Variants in PLXDC2 observed in about 807,000 individuals in gnomAD.
PLXDC2 encodes plexin domain containing 2.
In PLXDC2, 40 loss-of-function variants were observed where a neutral mutation model predicts 68.9. That is an observed-to-expected ratio of 0.58 (90% CI 0.45 to 0.76). The LOEUF is 0.76. Among genes scored for constraint, PLXDC2 ranks in the 30% least tolerant of loss-of-function variants. The pLI is 0.00. For synonymous variants in PLXDC2, 243 were observed against 234.2 expected, an observed-to-expected ratio of 1.04 and a Z score of -0.34; for missense variants, 644 against 661.9, an observed-to-expected ratio of 0.97 and a Z score of 0.30.
At chr10:20,279,663 C>T (rs776441497) in intron 13 of PLXDC2, 40 bp from the exon 14 acceptor site, 9 of 1,531,272 alleles carry the variant, frequency 5.9e-6, no homozygotes, top group South Asian at 4.5e-5. Context: ...TAGAATCTTA[C>T]CCTGACGCAC....
intron 1 of PLXDC2, among the ~76,000 whole-genome samples, chr10:19,888,848 C>A (rs913455734): frequency 2.5e-4 from 38 of 152,036 alleles, no homozygotes; most frequent in Non-Finnish European, 8.8e-5. Flanking sequence ...GGAAATCAGG[C>A]AAGATGTATT....
intron 2 of PLXDC2, among the ~76,000 whole-genome samples, chr10:20,042,003 G>A (rs920342828): frequency 3.3e-5 from 5 of 152,112 alleles, no homozygotes; most frequent in Non-Finnish European, 7.4e-5. Context: ...CTGGGCATTG[G>A]GGCTTCCATT....
chr10:20,178,515 T>C (rs1834559195), intron 9 of PLXDC2, among the ~76,000 whole-genome samples: 1 of 152,072 alleles, frequency 6.6e-6, no homozygotes, highest in African/African-American at 2.4e-5. Flanking sequence ...CTATGAAAAA[T>C]GTTTCTTTCC....
intron 3 of PLXDC2, among the ~76,000 whole-genome samples, chr10:20,065,073 A>G (rs1440731081): frequency 6.6e-6 from 1 of 152,002 alleles, no homozygotes; most frequent in African/African-American, 2.4e-5. Context: ...TTCCAAATAA[A>G]CTGTCTGCCC....
At chr10:20,080,000 C>T (rs999444204) in intron 4 of PLXDC2, among the ~76,000 whole-genome samples, 1 of 151,896 alleles carries the variant, frequency 6.6e-6, no homozygotes, top group Non-Finnish European at 1.5e-5. Flanking sequence ...ATATTTAAAA[C>T]ACATATGACA....
intron 9 of PLXDC2, among the ~76,000 whole-genome samples, chr10:20,191,249 T>A (rs1341615761): frequency 6.6e-6 from 1 of 151,872 alleles, no homozygotes; most frequent in African/African-American, 2.4e-5. Context: ...AGAAAGCAAT[T>A]GGCAGATTCT....
intron 1 of PLXDC2, among the ~76,000 whole-genome samples, chr10:19,981,511 C>T (rs990326980): frequency 6.6e-6 from 1 of 152,172 alleles, no homozygotes; most frequent in African/African-American, 2.4e-5. Flanking sequence ...ATACCTGATG[C>T]AGCAGAATCT....
At chr10:19,901,916 A>G (rs190847166) in intron 1 of PLXDC2, among the ~76,000 whole-genome samples, 4 of 152,198 alleles carry the variant, frequency 2.6e-5, no homozygotes, top group Non-Finnish European at 4.4e-5. Flanking sequence ...TCCCAGCACC[A>G]TTTGTTGAAT....
intron 4 of PLXDC2, among the ~76,000 whole-genome samples, chr10:20,128,695 C>G (rs1383908919): frequency 1.3e-5 from 2 of 152,144 alleles, no homozygotes; most frequent in Non-Finnish European, 2.9e-5. Context: ...CACCATTCTA[C>G]TCTCTGATTC....
At chr10:20,075,685 A>G (rs540913445) in intron 4 of PLXDC2, among the ~76,000 whole-genome samples, 1 of 152,292 alleles carries the variant, frequency 6.6e-6, no homozygotes, top group East Asian at 1.9e-4. Flanking sequence ...TCAGCAAGAA[A>G]AATACAAGAG....
intron 9 of PLXDC2, among the ~76,000 whole-genome samples, chr10:20,200,739 A>G (rs931449639): frequency 2.0e-5 from 3 of 152,152 alleles, no homozygotes; most frequent in East Asian, 1.9e-4. Flanking sequence ...TTCTCAAAAG[A>G]TGATATACAA....
intron 2 of PLXDC2, among the ~76,000 whole-genome samples, chr10:20,004,608 C>T (rs770759411): frequency 2.0e-5 from 3 of 152,150 alleles, no homozygotes; most frequent in Admixed American, 6.5e-5. Flanking sequence ...AAAAAATCTG[C>T]ACCCCCTAAG....
intron 9 of PLXDC2, among the ~76,000 whole-genome samples, chr10:20,195,492 A>G (rs1834825604): frequency 6.6e-6 from 1 of 152,062 alleles, no homozygotes; most frequent in South Asian, 2.1e-4. Context: ...CCCTTCTTTG[A>G]GAGATGGGGG....
At chr10:20,230,848 G>T (rs1216838299) in intron 12 of PLXDC2, among the ~76,000 whole-genome samples, 7 of 141,676 alleles carry the variant, frequency 4.9e-5, no homozygotes, top group South Asian at 2.3e-4. Context: ...TCCCTGGAGG[G>T]TTTTTTTTTT....
intron 1 of PLXDC2, among the ~76,000 whole-genome samples, chr10:19,854,726 T>C (rs1273747743): frequency 6.6e-6 from 1 of 152,198 alleles, no homozygotes; most frequent in Non-Finnish European, 1.5e-5. Flanking sequence ...TGTCTTTGGG[T>C]AATTGGTGCC....
Position 19,819,124 on chromosome 10 carries a change from G to C in PLXDC2, c.112+1933G>C, listed in dbSNP as rs554528025. ...AATTGAGGATGAAATTCATCCCAAA[G>C]TAAGATTGGCCATATAATTAAAAGC... On this transcript the variant is annotated intron_variant, in intron 1 of 13. Coordinates refer to ENST00000377252, the MANE Select transcript of PLXDC2 (RefSeq NM_032812.9). Among the ~76,000 whole-genome samples, 7 of 151,884 alleles carry C rather than the reference G, an allele frequency of 4.6e-5. No individual in the cohort carries two copies. The South Asian group carries it at 1.5e-3, about 31-fold the overall frequency.
intron 12 of PLXDC2, among the ~76,000 whole-genome samples, chr10:20,239,830 C>G (rs549994582): frequency 1.3e-5 from 2 of 152,304 alleles, no homozygotes; most frequent in South Asian, 4.1e-4. Flanking sequence ...TGAGCATACT[C>G]AAGCAGTCTT....
intron 13 of PLXDC2, among the ~76,000 whole-genome samples, chr10:20,278,974 A>G (rs1253212198): frequency 6.6e-6 from 1 of 152,158 alleles, no homozygotes; most frequent in Non-Finnish European, 1.5e-5. Context: ...TGATGGATGG[A>G]GTGCTGAGAA....
At chr10:20,103,899 G>C (rs187008034) in intron 4 of PLXDC2, among the ~76,000 whole-genome samples, 1 of 152,072 alleles carries the variant, frequency 6.6e-6, no homozygotes, top group Admixed American at 6.5e-5. Context: ...TGCCTTGGCC[G>C]CCCAAAGTGC....
Sources: gnomAD v4.1 joint callset for allele counts (sites outside exome capture counted in the v4.1 genomes callset) on GRCh38, gnomAD v4.1.1 for gene constraint, MANE v1.5 for transcripts, NCBI Gene and HGNC (gene_info 2026-07-23, HGNC 2026-07-21) for gene names.